Variants in TM9SF4 observed in about 807,000 individuals in gnomAD.
TM9SF4 encodes the protein dinucleotide oxidase disulfide thiol exchanger 3 superfamily member 4.
A neutral mutation model predicts 90.4 loss-of-function variants in TM9SF4; 26 were observed. The ratio of observed to expected loss-of-function variants is 0.29; its 90% CI spans 0.21 to 0.40. The LOEUF (loss-of-function observed/expected upper bound fraction) is 0.40, where lower values mean the gene tolerates loss of function less well. Ranked by LOEUF, TM9SF4 falls within the 10% of genes least tolerant of loss-of-function variation. The pLI is 1.00. For synonymous variants in TM9SF4, 293 were observed against 315.4 expected (o/e 0.93, Z 0.75); for missense variants, 549 against 834.8 (o/e 0.66, Z 4.22).
Position 32,161,314 on chromosome 20 carries a change from G to A in TM9SF4, c.1728G>A (p.Gly576=), listed in dbSNP as rs2047015078. 6.2e-7 allele frequency: 1 copy of A among 1,613,982 alleles called. No homozygotes were observed. Among genetic ancestry groups the A allele is most frequent in the Non-Finnish European group, 8.5e-7 (1 of 1,179,996 alleles). ...RWWWRNFLVS[G]GSAFYVLVYA... is the part of the protein sequence containing the mutation. ...GGTGGAGAAATTTCCTAGTCTCCGG[G>A]GGCTCTGCATTCTACGTCCTGGTTT... Residue 576 remains glycine (G), a synonymous_variant, in exon 17 of 18, where the codon GGG becomes GGA. Coordinates refer to ENST00000398022, the MANE Select transcript of TM9SF4 (RefSeq NM_014742.4).
chr20:32,159,731 A>G (rs1188977997), intron 15 of TM9SF4: 1 of 488,334 alleles, frequency 2.0e-6, no homozygotes. Flanking sequence ...TTTGATTTGG[A>G]TAAGAATCAT....
chr20:32,132,969 T>C (rs2046541264), intron 1 of TM9SF4, 44 bp from the exon 2 acceptor site: 1 of 1,570,822 alleles, frequency 6.4e-7, no homozygotes, highest in Admixed American at 1.7e-5. Context: ...AGGATCTTCT[T>C]CACTTCTTCT....
intron 1 of TM9SF4, among the ~76,000 whole-genome samples, chr20:32,120,394 C>CA (rs1176299796): frequency 1.4e-5 from 1 of 69,458 alleles, no homozygotes; most frequent in Non-Finnish European, 2.6e-5. Context: ...CTAAGTGGTG[C>CA]GTTTTTTTTT....
intron 13 of TM9SF4, among the ~76,000 whole-genome samples, chr20:32,157,486 T>C (rs980944045): frequency 1.6e-4 from 24 of 152,326 alleles, no homozygotes; most frequent in African/African-American, 5.8e-4. Flanking sequence ...CCACATGTAA[T>C]CTCTTCATTT....
Position 32,164,808 on chromosome 20 carries a change from G to T in TM9SF4, c.1780-487G>T, listed in dbSNP as rs141328090. 3.7e-3 allele frequency among the ~76,000 whole-genome samples: 559 copies of T among 152,246 alleles called. 3 individuals carry two copies. The highest frequency in any genetic ancestry group is 0.01 in the Middle Eastern group (3 of 294). ...CTCTAAACTCTACCCCAGTTAAAAA[G>T]GAGTCCAAAATGCTCCAAGATCAAA... On this transcript the variant is annotated intron_variant, in intron 17 of 17. Coordinates refer to ENST00000398022, the MANE Select transcript of TM9SF4 (RefSeq NM_014742.4).
chr20:32,137,714 T>G (rs938105855), intron 3 of TM9SF4, among the ~76,000 whole-genome samples: 3 of 152,230 alleles, frequency 2.0e-5, no homozygotes, highest in Non-Finnish European at 4.4e-5. Context: ...GTAAGCCATT[T>G]ACATCATCAT....
intron 1 of TM9SF4, among the ~76,000 whole-genome samples, chr20:32,129,067 G>C (rs2046470746): frequency 6.6e-6 from 1 of 151,502 alleles, no homozygotes; most frequent in Non-Finnish European, 1.5e-5. Flanking sequence ...CACAAAAAAG[G>C]AAAAAAGCTC....
chr20:32,130,163 T>C (rs2046489869), intron 1 of TM9SF4, among the ~76,000 whole-genome samples: 1 of 152,236 alleles, frequency 6.6e-6, no homozygotes, highest in South Asian at 2.1e-4. Flanking sequence ...TAAGTTGAAC[T>C]TCTGAATTGC....
At chr20:32,150,740 G>A in intron 11 of TM9SF4, 37 bp downstream of exon 11, 1 of 1,614,256 alleles carries the variant, frequency 6.2e-7, no homozygotes. Flanking sequence ...GGGCGGCACA[G>A]GCCTCCTCCA....
At chr20:32,152,122 G>C (rs188383535) in intron 12 of TM9SF4, among the ~76,000 whole-genome samples, 3 of 151,336 alleles carry the variant, frequency 2.0e-5, no homozygotes, top group Non-Finnish European at 4.4e-5. Flanking sequence ...CGCCCGCCTC[G>C]GCCTCCCAAA....
chr20:32,149,865 C>T, intron 10 of TM9SF4, 99 bp downstream of exon 10: 1 of 1,516,492 alleles, frequency 6.6e-7, no homozygotes, highest in Non-Finnish European at 8.9e-7. Flanking sequence ...GAAAGGGAAC[C>T]AAGCTCCTGG....
At position 32,141,084 on chromosome 20, in the gene TM9SF4, G is replaced by C. The variant is rs2046668483; in HGVS notation, c.230-413G>C. On this transcript the variant is annotated intron_variant, in intron 3 of 17. Coordinates refer to ENST00000398022, the MANE Select transcript of TM9SF4 (RefSeq NM_014742.4). ...TACAAAAAATTAGCCGGGCGTGGTG[G>C]CATGCACCTGTAGTCCCAACTACTC... is the stretch of plus-strand genomic sequence containing the variant. 2.6e-5 allele frequency among the ~76,000 whole-genome samples: 4 copies of C among 151,956 alleles called. No homozygotes were observed. In the South Asian group the frequency reaches 8.3e-4, roughly 32 times the overall value.
chr20:32,154,364 C>T (rs552081692), intron 12 of TM9SF4, among the ~76,000 whole-genome samples: 1 of 152,142 alleles, frequency 6.6e-6, no homozygotes, highest in South Asian at 2.1e-4. Flanking sequence ...TGGTCTCAAA[C>T]ACCTGAGCTC....
chr20:32,122,407 G>T (rs560985639), intron 1 of TM9SF4, among the ~76,000 whole-genome samples: 1 of 150,110 alleles, frequency 6.7e-6, no homozygotes. Context: ...TCACTTCTCA[G>T]ACGGGGGTGC....
In TM9SF4 at chr20:32,156,260, A is replaced by G. The variant is rs147324214; in HGVS notation, c.1329+1074A>G. On this transcript the variant is annotated intron_variant, in intron 13 of 17. Coordinates refer to ENST00000398022, the MANE Select transcript of TM9SF4 (RefSeq NM_014742.4). Reference sequence around the variant, plus strand: ...ATATTTCTTTTTATGTGATTCTTGTAAAAAGTAAGTGTAGAGAAGAGGATA... The same window carrying G: ...ATATTTCTTTTTATGTGATTCTTGTGAAAAGTAAGTGTAGAGAAGAGGATA... Among the ~76,000 whole-genome samples the G allele has an allele frequency of 4.3e-3, 658 of 152,330 alleles. 5 individuals carry two copies. The highest frequency in any genetic ancestry group is 0.01 in the Middle Eastern group (3 of 294).
intron 1 of TM9SF4, among the ~76,000 whole-genome samples, chr20:32,123,063 G>T (rs898901508): frequency 6.7e-6 from 1 of 149,190 alleles, no homozygotes. Flanking sequence ...CAGGCACTCC[G>T]CAGGCTGAGG....
chr20:32,155,244 C>T (rs1379708801), intron 13 of TM9SF4, 58 bp downstream of exon 13: 24 of 1,404,906 alleles, frequency 1.7e-5, no homozygotes, highest in Non-Finnish European at 2.4e-5. Flanking sequence ...CAGTTGCACT[C>T]AGCCCTACTC....
intron 1 of TM9SF4, chr20:32,110,044 GC>G: frequency 7.3e-7 from 1 of 1,366,048 alleles, no homozygotes; most frequent in Non-Finnish European, 9.5e-7. Flanking sequence ...CCCACTGTGA[GC>G]CCCATTTTCC....
At chr20:32,161,230 G>T (rs2047013915) in intron 16 of TM9SF4, 46 bp from the exon 17 acceptor site, 1 of 1,551,654 alleles carries the variant, frequency 6.4e-7, no homozygotes, top group South Asian at 1.1e-5. Context: ...GGTAGGAAGG[G>T]GTTCTGCCCC....
Sources: allele counts gnomAD v4.1 joint callset (sites outside exome capture counted in the v4.1 genomes callset), GRCh38; gene constraint gnomAD v4.1.1; transcripts MANE v1.5; gene names NCBI Gene and HGNC (gene_info 2026-07-23, HGNC 2026-07-21).